NUP107: variants seen among roughly 807,000 people sequenced by gnomAD.
NUP107 encodes nuclear pore complex protein Nup107.
NUP107 carries 101 observed loss-of-function variants against 141.0 expected under a neutral mutation model. The ratio of observed to expected loss-of-function variants is 0.72; its 90% CI spans 0.61 to 0.84. The LOEUF (loss-of-function observed/expected upper bound fraction) is 0.84, where lower values mean the gene tolerates loss of function less well. Ranked by LOEUF, NUP107 falls within the 40% of genes least tolerant of loss-of-function variation. The probability of loss-of-function intolerance (pLI) is 0.00; values close to 1 mark genes in which losing one functional copy is unlikely to be tolerated. For missense variants in NUP107, 941 were observed against 1,102.7 expected (o/e 0.85, Z 2.08); for synonymous variants, 319 against 363.9 (o/e 0.88, Z 1.41).
chr12:68,698,000 C>T (rs1340041248), intron 6 of NUP107, among the ~76,000 whole-genome samples: 2 of 151,024 alleles, frequency 1.3e-5, no homozygotes, highest in Non-Finnish European at 2.9e-5. Context: ...TGCACTCCAG[C>T]CCGGGCGATA....
At chr12:68,700,457 A>T (rs1000455670) in intron 6 of NUP107, among the ~76,000 whole-genome samples, 18 of 152,188 alleles carry the variant, frequency 1.2e-4, no homozygotes, top group Admixed American at 1.2e-3. Context: ...GGAGAAAAAA[A>T]TATATCCATC....
In NUP107 at chr12:68,721,800, T is replaced by G. The variant is rs139614190; in HGVS notation, c.1312-41T>G. On this transcript the variant is annotated intron_variant, in intron 15 of 27. Transcript: ENST00000229179. ...TAATTGCTTTTCCTTTCTTTTCTGT[T>G]GAATATGTCTATATGTTTCTGTTTT... 1.2e-4 allele frequency: 194 copies of G among 1,583,764 alleles called. 1 individual carries two copies. The African/African-American group carries it at 2.2e-3, about 18-fold the overall frequency.
intron 8 of NUP107, among the ~76,000 whole-genome samples, chr12:68,704,745 G>T (rs1876497070): frequency 6.6e-6 from 1 of 151,902 alleles, no homozygotes; most frequent in Non-Finnish European, 1.5e-5. Flanking sequence ...GTGAGCCACC[G>T]TGCCTCGCCC....
At position 68,742,354 on chromosome 12, in the gene NUP107, G is replaced by A. The variant is rs1241606338; in HGVS notation, c.2671-1G>A. On this transcript the variant is annotated splice_acceptor_variant, in intron 27 of 27. Coordinates refer to ENST00000229179, the MANE Select transcript of NUP107 (RefSeq NM_020401.4). LOFTEE classifies it high-confidence loss of function. Reference sequence around the variant, plus strand: ...TTCTTATTTCTCTTTTTAAAAATCAGGTATTTTCTAAGGAAGAGCTAAGGA... The same window carrying A: ...TTCTTATTTCTCTTTTTAAAAATCAAGTATTTTCTAAGGAAGAGCTAAGGA... 1.3e-6 allele frequency: 2 copies of A among 1,578,102 alleles called. No individual in the cohort carries two copies.
chr12:68,694,887 A>T (rs945917057), intron 5 of NUP107, among the ~76,000 whole-genome samples: 2 of 152,172 alleles, frequency 1.3e-5, no homozygotes, highest in Non-Finnish European at 2.9e-5. Context: ...GGGCAACAAG[A>T]GCGAAACTTC....
At chr12:68,690,363 C>G in intron 3 of NUP107, 1 of 491,534 alleles carries the variant, frequency 2.0e-6, no homozygotes. Flanking sequence ...TGATTAGTGT[C>G]TTTAACTGCT....
At chr12:68,730,792 C>T (rs530621282) in intron 20 of NUP107, among the ~76,000 whole-genome samples, 1 of 152,026 alleles carries the variant, frequency 6.6e-6, no homozygotes, top group East Asian at 1.9e-4. Context: ...TAGTGAAAAG[C>T]CATCTCTACT....
intron 8 of NUP107, chr12:68,706,558 TGAACAG>T (rs1160356129): frequency 4.4e-6 from 3 of 680,038 alleles, no homozygotes; most frequent in Non-Finnish European, 8.1e-6. Flanking sequence ...ATCTCCAAGA[TGAACAG>T]GAACATCAGT....
At position 68,721,852 on chromosome 12, in the gene NUP107, CTG is replaced by C; in HGVS notation, c.1326_1327del (p.Cys442Ter). 5.0e-6 allele frequency: 8 copies of C among 1,612,762 alleles called. No individual in the cohort carries two copies. The highest frequency in any genetic ancestry group is 6.8e-6 in the Non-Finnish European group (8 of 1,179,664). ...SGNLKQLLPV[C>X]DTWEDTVWAY... ...TAATGGGGAAAAAGCTGCTTCCTGT[CTG>C]TGACACCTGGGAAGACACAGTTTGG... On this transcript the variant is annotated frameshift_variant, in exon 16 of 28. Coordinates refer to ENST00000229179, the MANE Select transcript of NUP107 (RefSeq NM_020401.4). LOFTEE classifies it high-confidence loss of function.
chr12:68,720,979 T>A, intron 14 of NUP107, 139 bp from the exon 15 acceptor site: 1 of 501,676 alleles, frequency 2.0e-6, no homozygotes, highest in East Asian at 3.3e-5. Flanking sequence ...ATTACCCCAC[T>A]AGATCTTTCA....
chr12:68,742,056 G>A, intron 27 of NUP107, 76 bp downstream of exon 27: 1 of 1,182,634 alleles, frequency 8.5e-7, no homozygotes, highest in Non-Finnish European at 1.2e-6. Context: ...TTGTGAAGAT[G>A]TGTTTACATT....
chr12:68,719,675 A>G (rs780855133), intron 14 of NUP107, 21 bp downstream of exon 14: 26 of 1,522,964 alleles, frequency 1.7e-5, no homozygotes, highest in Admixed American at 3.4e-5. Context: ...TAAAATATTC[A>G]GTGATACTGT....
chr12:68,713,678 A>G, intron 10 of NUP107, 52 bp from the exon 11 acceptor site: 1 of 1,205,258 alleles, frequency 8.3e-7, no homozygotes, highest in South Asian at 1.3e-5. Flanking sequence ...TTTTAAAAAT[A>G]GACCTATTAA....
chr12:68,725,629 T>A, intron 17 of NUP107, 98 bp from the exon 18 acceptor site: 1 of 664,396 alleles, frequency 1.5e-6, no homozygotes, highest in Non-Finnish European at 2.6e-6. Flanking sequence ...TCTTTCTATA[T>A]GTTCCTTCAA....
intron 6 of NUP107, among the ~76,000 whole-genome samples, chr12:68,698,057 T>C (rs976482718): frequency 3.3e-5 from 5 of 151,804 alleles, no homozygotes; most frequent in African/African-American, 1.2e-4. Context: ...AAAAGATGTT[T>C]CACATTGTAT....
In NUP107 at chr12:68,716,065, G is replaced by GT. The variant is rs576940942; in HGVS notation, c.1083+335dup. On this transcript the variant is annotated intron_variant, in intron 12 of 27. Coordinates refer to ENST00000229179, the MANE Select transcript of NUP107 (RefSeq NM_020401.4). ...GTTTGAGATTTTTGTTTTTGTTTTT[G>GT]TTTTTTTTTTGAGACAGTGTCTTGC... Among the ~76,000 whole-genome samples the GT allele has an allele frequency of 3.2e-3, 456 of 144,494 alleles. 4 individuals are homozygous for GT. Among genetic ancestry groups the GT allele is most frequent in the South Asian group, 3.9e-3 (18 of 4,564 alleles). The allele number at this position is 144,494 out of a possible 152,430, so 94.8% of individuals were successfully genotyped here. A position where few individuals can be genotyped will look rare whatever the true frequency, so the allele number is the denominator to read the frequency against.
At position 68,742,584 on chromosome 12, in the gene NUP107, T is replaced by C. The variant is rs1388442148; in HGVS notation, c.*122T>C. ...AATTTAGACATTTGAATTTTGTACT[T>C]TTCAGAATATTATCGTGACACTTTC... is the stretch of plus-strand genomic sequence containing the variant. On this transcript the variant is annotated 3_prime_UTR_variant, in exon 28 of 28. Transcript: ENST00000229179. 2.0e-6 allele frequency: 1 copy of C among 501,708 alleles called. No homozygotes were observed. Among genetic ancestry groups the C allele is most frequent in the African/African-American group, 2.0e-5 (1 of 50,064 alleles). 31.1% of individuals were successfully genotyped at this position (501,708 alleles called of 1,614,324 possible).
intron 8 of NUP107, among the ~76,000 whole-genome samples, chr12:68,703,727 G>T (rs1438414186): frequency 6.6e-6 from 1 of 152,076 alleles, no homozygotes; most frequent in Non-Finnish European, 1.5e-5. Flanking sequence ...GGGATTACAG[G>T]TGTGAGCCAC....
Position 68,744,796 on chromosome 12 carries a change from C to G in NUP107, c.*2334C>G, listed in dbSNP as rs1453823858. 1 of 152,224 alleles carries G rather than the reference C, an allele frequency of 6.6e-6. No homozygotes were observed. The highest frequency in any genetic ancestry group is 1.5e-5 in the Non-Finnish European group (1 of 68,044). The allele number at this position is 152,224 out of a possible 1,614,324, so 9.4% of individuals were successfully genotyped here. On this transcript the variant is annotated 3_prime_UTR_variant, in exon 28 of 28. Coordinates refer to ENST00000229179, the MANE Select transcript of NUP107 (RefSeq NM_020401.4). ...TGTGCTCCTCACAATTCCCAAATGCCTCTCTTCCTGAACACCAGAAGTGGT... is the reference window on the plus strand; with the variant it reads ...TGTGCTCCTCACAATTCCCAAATGCGTCTCTTCCTGAACACCAGAAGTGGT...
Sources: allele counts gnomAD v4.1 joint callset (sites outside exome capture counted in the v4.1 genomes callset), GRCh38; gene constraint gnomAD v4.1.1; transcripts MANE v1.5; gene names NCBI Gene and HGNC (gene_info 2026-07-23, HGNC 2026-07-21).